PLS3: variants seen among roughly 807,000 people sequenced by gnomAD.
PLS3 encodes the protein plastin 3.
A neutral mutation model predicts 46.5 loss-of-function variants in PLS3; 11 were observed. The observed-to-expected ratio is 0.24, with a 90% CI of 0.15 to 0.39. The LOEUF is 0.39. PLS3 is among the 10% of genes least tolerant of loss of function. The pLI, the probability that PLS3 is intolerant of heterozygous loss-of-function variation, is 1.00. For missense variants in PLS3, 308 were observed against 461.8 expected, an observed-to-expected ratio of 0.67 and a Z score of 3.05; for synonymous variants, 167 against 162.2, an observed-to-expected ratio of 1.03 and a Z score of -0.22.
chrX:115,581,945 G>T (rs978779567), intron 1 of PLS3, among the ~76,000 whole-genome samples: 2 of 111,655 alleles, frequency 1.8e-5, no homozygotes, highest in Non-Finnish European at 3.8e-5. Flanking sequence ...ACTCATATTA[G>T]TGATGTGTTA....
intron 7 of PLS3, 138 bp downstream of exon 7, chrX:115,635,184 C>A: frequency 2.0e-6 from 1 of 488,778 alleles, no homozygotes; most frequent in Non-Finnish European, 3.4e-6. Context: ...TAGAGTTATT[C>A]AGGAAAATAG....
intron 5 of PLS3, among the ~76,000 whole-genome samples, chrX:115,630,978 A>T (rs1452627500): frequency 1.0e-5 from 1 of 98,237 alleles, no homozygotes; most frequent in Non-Finnish European, 2.0e-5. Context: ...CATATATGTT[A>T]TATAATATAT....
chrX:115,636,877 C>T lies in PLS3; in HGVS notation c.790C>T (p.Leu264Phe). 1 of 1,203,667 alleles carries T rather than the reference C, an allele frequency of 8.3e-7. No homozygotes were observed. The highest frequency in any genetic ancestry group is 1.1e-6 in the Non-Finnish European group (1 of 890,453). Residue 264 changes from leucine to phenylalanine, a missense_variant, in exon 8 of 16, where the codon CTT becomes TTT. Leu to Phe is a conservative substitution (Grantham distance 22). Coordinates refer to ENST00000355899, the MANE Select transcript of PLS3 (RefSeq NM_005032.7). ...CCGAGATGGTGAGACTTTGGAGGAA[C>T]TTATGAAATTGTCTCCAGAAGAGCT... ...LLRDGETLEE[L>F]MKLSPEELLL... is the part of the protein sequence containing the mutation.
chrX:115,638,148 T>TTG, intron 8 of PLS3, among the ~76,000 whole-genome samples: 1 of 110,696 alleles, frequency 9.0e-6, no homozygotes, highest in Non-Finnish European at 1.9e-5. Flanking sequence ...TCTCCCTCTG[T>TTG]CACTCAGGCT....
chrX:115,644,281 G>A (rs1556641407), intron 10 of PLS3, among the ~76,000 whole-genome samples: 1 of 110,010 alleles, frequency 9.1e-6, no homozygotes, highest in East Asian at 2.9e-4. Context: ...GATTATATAT[G>A]TGTGAAGCGT....
chrX:115,585,503 G>T (rs1482664763), intron 1 of PLS3, among the ~76,000 whole-genome samples: 1 of 110,262 alleles, frequency 9.1e-6, no homozygotes, highest in African/African-American at 3.3e-5. Flanking sequence ...ATTTTCTCCT[G>T]CCTCAGGCTC....
At chrX:115,570,498 C>T (rs2074206397) in intron 1 of PLS3, among the ~76,000 whole-genome samples, 1 of 102,249 alleles carries the variant, frequency 9.8e-6, no homozygotes, top group Non-Finnish European at 1.9e-5. Context: ...TACCTTCCTA[C>T]CTTCCTTTTT....
intron 2 of PLS3, among the ~76,000 whole-genome samples, chrX:115,614,861 C>T (rs980772469): frequency 1.8e-5 from 2 of 111,686 alleles, no homozygotes; most frequent in Non-Finnish European, 3.8e-5. Flanking sequence ...CCAGCTTTTC[C>T]AAAAGGATAT....
intron 2 of PLS3, among the ~76,000 whole-genome samples, chrX:115,617,143 G>A (rs988254245): frequency 1.8e-5 from 2 of 111,445 alleles, no homozygotes; most frequent in Non-Finnish European, 3.8e-5. Context: ...CACAGGGTAG[G>A]TACTCAGTTT....
In PLS3 at chrX:115,646,289, C is replaced by T. The variant is rs141320750; in HGVS notation, c.1377+103C>T. ...GACGCTGAGCTTCTTGAGGACAAAA[C>T]TGTGTCTTATTTGTTTTTGTGTGCT... On this transcript the variant is annotated intron_variant, in intron 12 of 15. Coordinates refer to ENST00000355899, the MANE Select transcript of PLS3 (RefSeq NM_005032.7). The T allele has an allele frequency of 1.7e-3, 1,565 of 923,703 alleles. 11 individuals carry two copies. In the African/African-American group the frequency reaches 0.028, roughly 16 times the overall value. The allele number at this position is 923,703 out of a possible 1,213,427, so 76.1% of individuals were successfully genotyped here. A position where few individuals can be genotyped will look rare whatever the true frequency, so the allele number is the denominator to read the frequency against.
Position 115,629,878 on chromosome X carries a change from G to A in PLS3, c.411G>A (p.Leu137=). 1 of 1,158,442 alleles carries A rather than the reference G, an allele frequency of 8.6e-7. No homozygotes were observed. Among genetic ancestry groups the A allele is most frequent in the Non-Finnish European group, 1.2e-6 (1 of 850,662 alleles). ...TTGTTAACTGGATAAACAAAGCTTT[G>A]GAAAATGATCCTGATTGTAGACATG... is the stretch of plus-strand genomic sequence containing the variant. ...YAFVNWINKA[L]ENDPDCRHVI... The change falls in exon 5 of 16, where the codon TTG becomes TTA. Residue 137 remains leucine (L), a synonymous_variant. Coordinates refer to ENST00000355899, the MANE Select transcript of PLS3 (RefSeq NM_005032.7).
chrX:115,635,251 A>G lies in PLS3; in HGVS notation c.748+205A>G, dbSNP rs142077471. 1.3e-4 allele frequency among the ~76,000 whole-genome samples: 15 copies of G among 111,524 alleles called. No individual in the cohort carries two copies. The East Asian group carries it at 4.3e-3, about 32-fold the overall frequency. On this transcript the variant is annotated intron_variant, in intron 7 of 15. Coordinates refer to ENST00000355899, the MANE Select transcript of PLS3 (RefSeq NM_005032.7). Reference sequence around the variant, plus strand: ...ATTCACATTTGTCTGGCACTTTACAATTCATTTTGCAATAATGACACAAAA... The same window carrying G: ...ATTCACATTTGTCTGGCACTTTACAGTTCATTTTGCAATAATGACACAAAA...
chrX:115,572,006 A>G (rs1437533806), intron 1 of PLS3, among the ~76,000 whole-genome samples: 1 of 112,604 alleles, frequency 8.9e-6, no homozygotes, highest in Non-Finnish European at 1.9e-5. Context: ...ACAAGTGGGT[A>G]TGAATAATTA....
chrX:115,600,638 G>C (rs1556634451), intron 1 of PLS3, among the ~76,000 whole-genome samples: 1 of 112,539 alleles, frequency 8.9e-6, no homozygotes, highest in African/African-American at 3.2e-5. Context: ...AAGAATCTAT[G>C]TAAAGAAGGT....
intron 1 of PLS3, among the ~76,000 whole-genome samples, chrX:115,561,909 T>G (rs2074139023): frequency 9.0e-6 from 1 of 111,148 alleles, no homozygotes; most frequent in South Asian, 3.8e-4. Flanking sequence ...ACGCACCTAG[T>G]CTCCCTATGA....
At chrX:115,641,652 G>A (rs1408713153) in intron 9 of PLS3, among the ~76,000 whole-genome samples, 3 of 111,201 alleles carry the variant, frequency 2.7e-5, no homozygotes, top group African/African-American at 9.8e-5. Context: ...AGGGATGAGG[G>A]GCCATCTTGT....
At chrX:115,616,524 C>A (rs1195747950) in intron 2 of PLS3, among the ~76,000 whole-genome samples, 2 of 112,028 alleles carry the variant, frequency 1.8e-5, no homozygotes, top group Non-Finnish European at 3.8e-5. Context: ...ACAAGTTAGT[C>A]TTAGAAGTAG....
At chrX:115,632,038 A>G (rs2074782018) in intron 5 of PLS3, among the ~76,000 whole-genome samples, 1 of 110,393 alleles carries the variant, frequency 9.1e-6, no homozygotes, top group African/African-American at 3.3e-5. Context: ...TCCTGACCTC[A>G]AGTGATCCTC....
chrX:115,578,700 A>G (rs2147426686), intron 1 of PLS3, among the ~76,000 whole-genome samples: 1 of 109,412 alleles, frequency 9.1e-6, no homozygotes, highest in Non-Finnish European at 1.9e-5. Flanking sequence ...ACAAAAAAAA[A>G]AAAAAAAAAA....
Sources: gnomAD v4.1 joint callset for allele counts (sites outside exome capture counted in the v4.1 genomes callset) on GRCh38, gnomAD v4.1.1 for gene constraint, MANE v1.5 for transcripts, NCBI Gene and HGNC (gene_info 2026-07-23, HGNC 2026-07-21) for gene names.